DLG2: variants seen among roughly 807,000 people sequenced by gnomAD.
The protein encoded by DLG2 is disks large homolog 2.
DLG2 carries 45 observed loss-of-function variants against 132.5 expected under a neutral mutation model. The observed-to-expected ratio is 0.34, with a 90% CI of 0.27 to 0.44. The LOEUF is 0.44. Ranked by LOEUF, DLG2 falls within the 20% of genes least tolerant of loss-of-function variation. The pLI is 1.00. For synonymous variants in DLG2, 424 were observed against 419.6 expected, an observed-to-expected ratio of 1.01 and a Z score of -0.13; for missense variants, 1,045 against 1,196.9, an observed-to-expected ratio of 0.87 and a Z score of 1.87.
intron 8 of DLG2, among the ~76,000 whole-genome samples, chr11:84,241,908 C>T (rs887854196): frequency 1.3e-5 from 2 of 152,190 alleles, no homozygotes; most frequent in Non-Finnish European, 2.9e-5. Context: ...AGCTGGAGAT[C>T]CCACGATTCT....
chr11:84,714,605 TTCTCTTTCTCTTTCTCTTTC>T (rs2060923845), intron 6 of DLG2, among the ~76,000 whole-genome samples: 1 of 99,460 alleles, frequency 1.0e-5, no homozygotes, highest in African/African-American at 4.4e-5. Flanking sequence ...TTCTTTCTCT[TTCTCTTTCTCTTTCTCTTTC>T]TCTCTCTCTC....
At chr11:84,814,259 T>A (rs1285358250) in intron 6 of DLG2, among the ~76,000 whole-genome samples, 1 of 152,182 alleles carries the variant, frequency 6.6e-6, no homozygotes, top group East Asian at 1.9e-4. Flanking sequence ...GAGCAGTGGA[T>A]GAGCATACTA....
Position 84,712,045 on chromosome 11 carries a change from A to G in DLG2, c.358-177314T>C, listed in dbSNP as rs184818340. On this transcript the variant is annotated intron_variant, in intron 6 of 27. Coordinates refer to ENST00000376104, the MANE Select transcript of DLG2 (RefSeq NM_001142699.3). ...ATATTACAATTAGGATACAATTATT[A>G]AGTATTACATGCCATAAGAGTCCAG... Among the ~76,000 whole-genome samples, 120 of 152,210 alleles carry G rather than the reference A, an allele frequency of 7.9e-4. 1 individual carries two copies. Among genetic ancestry groups the G allele is most frequent in the African/African-American group, 2.8e-3 (118 of 41,570 alleles).
chr11:84,594,773 A>T (rs963077256), intron 6 of DLG2, among the ~76,000 whole-genome samples: 1 of 152,212 alleles, frequency 6.6e-6, no homozygotes, highest in African/African-American at 2.4e-5. Flanking sequence ...CCTGCCACAG[A>T]GGGACTAGTT....
At chr11:85,394,992 G>C (rs1392890158) in intron 3 of DLG2, among the ~76,000 whole-genome samples, 1 of 152,100 alleles carries the variant, frequency 6.6e-6, no homozygotes, top group African/African-American at 2.4e-5. Flanking sequence ...CTGGGCCTAA[G>C]GAGTAGTACC....
intron 11 of DLG2, among the ~76,000 whole-genome samples, chr11:84,024,253 T>C (rs1485704372): frequency 6.6e-6 from 1 of 152,196 alleles, no homozygotes. Flanking sequence ...GACCTATAGT[T>C]AATAATCTCA....
rs58560045 is a variant in DLG2, at chr11:84,627,225, T to C, written c.358-92494A>G. On this transcript the variant is annotated intron_variant, in intron 6 of 27. Coordinates refer to ENST00000376104, the MANE Select transcript of DLG2 (RefSeq NM_001142699.3). The stretch of plus-strand genomic sequence containing the variant: ...TATATTAGCAACCTAACATTGGCAA[T>C]GTCAGAGACATTCACTTTAAACACA... Among the ~76,000 whole-genome samples the C allele has an allele frequency of 7.0e-3, 1,065 of 152,302 alleles. 11 individuals carry two copies. Among genetic ancestry groups the C allele is most frequent in the Middle Eastern group, 0.024 (7 of 294 alleles).
chr11:84,381,595 T>A (rs192280596), intron 7 of DLG2, among the ~76,000 whole-genome samples: 2 of 152,310 alleles, frequency 1.3e-5, no homozygotes, highest in African/African-American at 4.8e-5. Flanking sequence ...GACAAATTTA[T>A]ACTTTGTTTC....
At chr11:84,350,037 G>C (rs1388036490) in intron 7 of DLG2, among the ~76,000 whole-genome samples, 2 of 151,886 alleles carry the variant, frequency 1.3e-5, no homozygotes, top group East Asian at 3.9e-4. Context: ...AATTAGCGGG[G>C]CGTGGTGGTG....
chr11:84,549,153 G>C (rs2154523631), intron 6 of DLG2, among the ~76,000 whole-genome samples: 1 of 152,324 alleles, frequency 6.6e-6, no homozygotes, highest in Admixed American at 6.5e-5. Context: ...GCTGACAAAT[G>C]AAAGAGGGAT....
At chr11:85,237,537 A>T (rs2075653496) in intron 4 of DLG2, among the ~76,000 whole-genome samples, 1 of 152,076 alleles carries the variant, frequency 6.6e-6, no homozygotes, top group African/African-American at 2.4e-5. Flanking sequence ...TAACTAGTGT[A>T]AACTAAAAAT....
chr11:84,201,803 A>ATTTT (rs2096597403), intron 8 of DLG2, among the ~76,000 whole-genome samples: 1 of 78,146 alleles, frequency 1.3e-5, no homozygotes, highest in African/African-American at 4.9e-5. Flanking sequence ...AGAAGAAACT[A>ATTTT]TTTTCTTTTT....
chr11:84,905,065 T>C (rs558868936), intron 6 of DLG2, among the ~76,000 whole-genome samples: 1 of 152,266 alleles, frequency 6.6e-6, no homozygotes, highest in Non-Finnish European at 1.5e-5. Context: ...ATTTTATTTT[T>C]GGTAGACACA....
At chr11:83,916,198 C>A (rs564844627) in intron 15 of DLG2, among the ~76,000 whole-genome samples, 4 of 152,208 alleles carry the variant, frequency 2.6e-5, no homozygotes, top group African/African-American at 9.6e-5. Flanking sequence ...ATGAACAATG[C>A]TGCTATGAAC....
At chr11:84,132,920 T>C in intron 9 of DLG2, among the ~76,000 whole-genome samples, 1 of 152,042 alleles carries the variant, frequency 6.6e-6, no homozygotes, top group Non-Finnish European at 1.5e-5. Flanking sequence ...CCATGTGTCT[T>C]AAACAGGAAA....
intron 6 of DLG2, among the ~76,000 whole-genome samples, chr11:85,019,298 C>T (rs980790283): frequency 1.3e-5 from 2 of 151,962 alleles, no homozygotes; most frequent in African/African-American, 4.8e-5. Context: ...GAAAATGGGA[C>T]TAGGCGCAGA....
intron 6 of DLG2, among the ~76,000 whole-genome samples, chr11:84,953,334 C>T (rs1023786933): frequency 7.9e-5 from 12 of 152,162 alleles, no homozygotes; most frequent in African/African-American, 2.2e-4. Flanking sequence ...TGAAGTTCCC[C>T]GGATGTGCAA....
At chr11:85,616,674 C>T (rs904000180) in intron 2 of DLG2, among the ~76,000 whole-genome samples, 2 of 152,150 alleles carry the variant, frequency 1.3e-5, no homozygotes, top group Admixed American at 6.5e-5. Flanking sequence ...AAAGGGACTT[C>T]TCCTAGCCCC....
intron 18 of DLG2, chr11:83,692,147 C>A (rs532642051): frequency 6.6e-6 from 1 of 152,090 alleles, no homozygotes; most frequent in African/African-American, 2.4e-5. Context: ...AGTAAAGGAG[C>A]CTGTTATAAA....
Sources: allele counts gnomAD v4.1 joint callset (sites outside exome capture counted in the v4.1 genomes callset), GRCh38; gene constraint gnomAD v4.1.1; transcripts MANE v1.5; gene names NCBI Gene and HGNC (gene_info 2026-07-23, HGNC 2026-07-21).